The following SYT9 variants were observed in gnomAD, a reference collection of about 807,000 sequenced individuals.
The protein encoded by SYT9 is synaptotagmin 9, also known as synaptotagmin-9.
SYT9 carries 22 observed loss-of-function variants against 48.4 expected under a neutral mutation model. The ratio of observed to expected loss-of-function variants is 0.45; its 90% CI spans 0.32 to 0.65. SYT9 has a LOEUF of 0.65. Ranked by LOEUF, SYT9 falls within the 30% of genes least tolerant of loss-of-function variation. The pLI is 0.03. For synonymous variants in SYT9, 265 were observed against 245.0 expected (o/e 1.08, Z -0.76); for missense variants, 577 against 622.0 (o/e 0.93, Z 0.77).
At chr11:7,269,845 T>TA (rs1848262389) in intron 1 of SYT9, among the ~76,000 whole-genome samples, 1 of 152,104 alleles carries the variant, frequency 6.6e-6, no homozygotes, top group Non-Finnish European at 1.5e-5. Context: ...GAAAAACAGA[T>TA]ATGGGGTGGC....
chr11:7,372,555 G>T (rs1457248663), intron 3 of SYT9, among the ~76,000 whole-genome samples: 2 of 152,092 alleles, frequency 1.3e-5, no homozygotes, highest in Admixed American at 6.6e-5. Context: ...TTTTGTAGAG[G>T]GGGGAATCTC....
intron 3 of SYT9, among the ~76,000 whole-genome samples, chr11:7,411,160 A>G (rs1234940939): frequency 1.3e-5 from 2 of 152,074 alleles, no homozygotes. Flanking sequence ...CGGCCTCAAG[A>G]TTGCTTTTAA....
At chr11:7,289,282 TAGAAAC>T (rs1294828680) in intron 1 of SYT9, among the ~76,000 whole-genome samples, 1 of 152,140 alleles carries the variant, frequency 6.6e-6, no homozygotes, top group African/African-American at 2.4e-5. Context: ...TGGTTTATCA[TAGAAAC>T]AGAAAATAGA....
At chr11:7,328,922 C>T (rs988533768) in intron 3 of SYT9, among the ~76,000 whole-genome samples, 14 of 152,114 alleles carry the variant, frequency 9.2e-5, no homozygotes, top group South Asian at 2.1e-4. Flanking sequence ...CCTCCAAACT[C>T]CTGGTTTTGA....
intron 6 of SYT9, chr11:7,439,993 T>G (rs1182189760): frequency 6.6e-6 from 1 of 152,232 alleles, no homozygotes; most frequent in Non-Finnish European, 1.5e-5. Flanking sequence ...TTCCTTCTCT[T>G]GGGCTTCTCT....
At chr11:7,333,545 CCTT>C (rs1248264599) in intron 3 of SYT9, among the ~76,000 whole-genome samples, 1 of 152,154 alleles carries the variant, frequency 6.6e-6, no homozygotes, top group African/African-American at 2.4e-5. Context: ...ACATTGCTAA[CCTT>C]CTTTTATAAA....
chr11:7,363,825 T>G (rs907399386), intron 3 of SYT9, among the ~76,000 whole-genome samples: 2 of 151,968 alleles, frequency 1.3e-5, no homozygotes, highest in African/African-American at 4.8e-5. Flanking sequence ...TTCAGCAACA[T>G]AGGGGCACAT....
chr11:7,328,829 A>T (rs953396588), intron 3 of SYT9, among the ~76,000 whole-genome samples: 1 of 152,146 alleles, frequency 6.6e-6, no homozygotes, highest in African/African-American at 2.4e-5. Context: ...TTACCATTTC[A>T]CATTAATAAC....
In SYT9 at chr11:7,416,145, A is replaced by C. The variant is rs1217180502; in HGVS notation, c.1148A>C (p.Asp383Ala). 1 of 1,614,190 alleles carries C rather than the reference A, an allele frequency of 6.2e-7. No homozygotes were observed. Among genetic ancestry groups the C allele is most frequent in the South Asian group, 1.1e-5 (1 of 91,088 alleles). The change falls in exon 4 of 7, where the codon GAC becomes GCC. Residue 383 changes from aspartate (D) to alanine (A), a missense_variant. By Grantham distance (126) the Asp-to-Ala change is moderately radical. Coordinates refer to ENST00000318881, the MANE Select transcript of SYT9 (RefSeq NM_175733.4). ...IIKARNLKAM[D>A]ITGASDPYVK... ...AAAGCAAGGAATTTAAAGGCAATGG[A>C]CATAACAGGAGCATCAGGTGGGGCA...
intron 1 of SYT9, among the ~76,000 whole-genome samples, chr11:7,302,512 G>A (rs1848941249): frequency 6.6e-6 from 1 of 152,170 alleles, no homozygotes; most frequent in Non-Finnish European, 1.5e-5. Flanking sequence ...CAGAAGATTT[G>A]AGCTTCATTT....
intron 3 of SYT9, among the ~76,000 whole-genome samples, chr11:7,394,786 AT>A (rs1351630882): frequency 6.6e-6 from 1 of 151,710 alleles, no homozygotes; most frequent in Non-Finnish European, 1.5e-5. Context: ...TTAATTTGAG[AT>A]TTTTCTATCT....
At chr11:7,318,212 T>C (rs955306544) in intron 3 of SYT9, among the ~76,000 whole-genome samples, 1 of 152,234 alleles carries the variant, frequency 6.6e-6, no homozygotes, top group Non-Finnish European at 1.5e-5. Context: ...TTTGTTCTTT[T>C]AAATGTTATC....
intron 1 of SYT9, among the ~76,000 whole-genome samples, chr11:7,293,968 T>G (rs1345879737): frequency 6.6e-6 from 1 of 152,208 alleles, no homozygotes; most frequent in Non-Finnish European, 1.5e-5. Context: ...CTAAGTCTAT[T>G]TGGGCTACTA....
chr11:7,363,885 T>TCAAA (rs749463458), intron 3 of SYT9, among the ~76,000 whole-genome samples: 2,802 of 152,162 alleles, frequency 0.018, 57 homozygotes, highest in African/African-American at 0.044. Context: ...CAGATAGAAG[T>TCAAA]GAGCTGAGGA....
intron 6 of SYT9, among the ~76,000 whole-genome samples, chr11:7,451,835 A>C (rs1475001348): frequency 6.6e-6 from 1 of 152,174 alleles, no homozygotes; most frequent in Non-Finnish European, 1.5e-5. Flanking sequence ...GAAGGTGATA[A>C]TGAGTCCTGA....
chr11:7,276,170 C>G (rs1253557392), intron 1 of SYT9, among the ~76,000 whole-genome samples: 3 of 152,138 alleles, frequency 2.0e-5, no homozygotes, highest in Non-Finnish European at 4.4e-5. Context: ...ATACTAGAAA[C>G]TTCTTTTACC....
At position 7,242,130 on chromosome 11, in the gene SYT9, T is replaced by G. The variant is rs192984418; in HGVS notation, c.49+3214T>G. 4.9e-3 allele frequency among the ~76,000 whole-genome samples: 754 copies of G among 152,352 alleles called. 6 individuals are homozygous for G. Among genetic ancestry groups the G allele is most frequent in the African/African-American group, 0.016 (686 of 41,586 alleles). On this transcript the variant is annotated intron_variant and NMD_transcript_variant, in intron 1 of 8. Coordinates refer to the SYT9 transcript ENST00000524820. ...TTAATAAATGTCTGCTGTAAATGGA[T>G]GCATAGGCCAGTCTGGAAAGACCAC...
At chr11:7,420,016 C>G (rs1439569871) in intron 5 of SYT9, among the ~76,000 whole-genome samples, 1 of 152,156 alleles carries the variant, frequency 6.6e-6, no homozygotes, top group African/African-American at 2.4e-5. Flanking sequence ...AAGACAATAA[C>G]AGTATTCTCT....
intron 2 of SYT9, among the ~76,000 whole-genome samples, chr11:7,303,693 CA>C (rs1453290899): frequency 6.6e-6 from 1 of 152,154 alleles, no homozygotes; most frequent in Non-Finnish European, 1.5e-5. Flanking sequence ...TCTTATTTTA[CA>C]GCAGAAGAAA....
Sources: allele counts gnomAD v4.1 joint callset (sites outside exome capture counted in the v4.1 genomes callset), GRCh38; gene constraint gnomAD v4.1.1; transcripts MANE v1.5; gene names NCBI Gene and HGNC (gene_info 2026-07-23, HGNC 2026-07-21).